Variants in ERLEC1 observed in about 807,000 individuals in gnomAD.
ERLEC1 encodes endoplasmic reticulum lectin 1, also known as ER lectin.
In ERLEC1, 47 loss-of-function variants were observed where a neutral mutation model predicts 68.0. The observed-to-expected ratio is 0.69, with a 90% CI of 0.55 to 0.88. ERLEC1 has a LOEUF of 0.88. ERLEC1 is among the 40% of genes least tolerant of loss of function. The probability of loss-of-function intolerance (pLI) is 0.00; values close to 1 mark genes in which losing one functional copy is unlikely to be tolerated. For missense variants in ERLEC1, 567 were observed against 583.8 expected, an observed-to-expected ratio of 0.97 and a Z score of 0.30; for synonymous variants, 225 against 203.2, an observed-to-expected ratio of 1.11 and a Z score of -0.91.
intron 13 of ERLEC1, 101 bp from the exon 14 acceptor site, chr2:53,817,797 C>T (rs985865665): frequency 2.9e-6 from 2 of 698,248 alleles, no homozygotes; most frequent in East Asian, 2.5e-5. Flanking sequence ...AACAAGGACT[C>T]ATGCTTCTAG....
At chr2:53,795,634 A>G (rs2104288440) in intron 2 of ERLEC1, among the ~76,000 whole-genome samples, 1 of 152,348 alleles carries the variant, frequency 6.6e-6, no homozygotes, top group Admixed American at 6.5e-5. Context: ...TGTTCAGGAA[A>G]CTGATACTTA....
At position 53,814,906 on chromosome 2, in the gene ERLEC1, G is replaced by C; in HGVS notation, c.1351G>C (p.Glu451Gln). ...SPHAVTVYML[E>Q]PHSCQYILGV... ...TCATGCTGTTACTGTATATATGCTA[G>C]AGCCTCACTCCTGTCAATATATTCT... is the stretch of plus-strand genomic sequence containing the variant. The change falls in exon 13 of 14, where the codon GAG becomes CAG. Residue 451 changes from glutamate (E) to glutamine (Q), a missense_variant. Physicochemically the swap from Glu to Gln is conservative, Grantham distance 29. Transcript: ENST00000185150. The C allele has an allele frequency of 6.2e-7, 1 of 1,604,312 alleles. No homozygotes were observed. The highest frequency in any genetic ancestry group is 8.5e-7 in the Non-Finnish European group (1 of 1,174,128).
chr2:53,787,225 C>G lies in ERLEC1; in HGVS notation c.15C>G (p.Gly5=). The G allele has an allele frequency of 1.9e-6, 3 of 1,602,446 alleles. No homozygotes were observed. The highest frequency in any genetic ancestry group is 2.5e-6 in the Non-Finnish European group (3 of 1,177,924). Residue 5 remains glycine, a synonymous_variant, in exon 1 of 14, where the codon GGC becomes GGG. Transcript: ENST00000185150. MEEG[G]GGVRSLVPGG... ...GGCGGCGGAGGATGGAGGAAGGAGG[C>G]GGCGGCGTACGGAGTCTGGTCCCGG...
rs1449552579 is a variant in ERLEC1, at chr2:53,787,361, G to T, written c.151G>T (p.Glu51Ter). 2 of 1,610,870 alleles carry T rather than the reference G, an allele frequency of 1.2e-6. No homozygotes were observed. Among genetic ancestry groups the T allele is most frequent in the Non-Finnish European group, 1.7e-6 (2 of 1,179,380 alleles). The stretch of plus-strand genomic sequence containing the variant: ...TTTCCGAGTCAACTGGCCCGGCACC[G>T]AGTTCTCTCTGGTCAGTGCCCTCAC... The part of the protein sequence containing the change: ...IPFRVNWPGT[E>*]FSLPTTGVLY... Residue 51 changes from glutamate (E) to a stop codon, truncating the protein, a stop_gained, in exon 1 of 14, where the codon GAG becomes TAG. Transcript: ENST00000185150. LOFTEE classifies it high-confidence loss of function.
chr2:53,810,510 G>A (rs2104330415), intron 10 of ERLEC1, among the ~76,000 whole-genome samples: 1 of 152,232 alleles, frequency 6.6e-6, no homozygotes, highest in Non-Finnish European at 1.5e-5. Flanking sequence ...AGTAAAGTAA[G>A]CTGCTAGGTA....
chr2:53,794,027 C>T (rs1675554088), intron 1 of ERLEC1, among the ~76,000 whole-genome samples: 1 of 151,944 alleles, frequency 6.6e-6, no homozygotes, highest in Admixed American at 6.6e-5. Flanking sequence ...ACTGGAGATT[C>T]CAAAAGACAG....
rs12620190 is a variant in ERLEC1 at position 53,809,882 on chromosome 2, C to G, written c.1101+609C>G. On this transcript the variant is annotated intron_variant, in intron 10 of 13. Transcript: ENST00000185150. ...ACCAGCCTGGCCAACATGGTGAAAA[C>G]CCGTCTCTACTACTAAAAATACAAA... 1.5e-3 allele frequency among the ~76,000 whole-genome samples: 228 copies of G among 152,044 alleles called. 5 individuals are homozygous for G. The East Asian group carries it at 0.043, about 28-fold the overall frequency.
rs187304764 is a variant in ERLEC1, at chr2:53,798,023, C to T, written c.490+228C>T. ...CATCCTGGCTAACACGGTGAAACCC[C>T]GTCTCTATTAAAAATACAAAAATTA... On this transcript the variant is annotated intron_variant, in intron 5 of 13. Coordinates refer to ENST00000185150, the MANE Select transcript of ERLEC1 (RefSeq NM_015701.5). Among the ~76,000 whole-genome samples, 1,125 of 152,090 alleles carry T rather than the reference C, an allele frequency of 7.4e-3. 19 individuals are homozygous for T. Among genetic ancestry groups the T allele is most frequent in the African/African-American group, 0.026 (1,074 of 41,510 alleles).
At position 53,787,087 on chromosome 2, in the gene ERLEC1, G is replaced by A; in HGVS notation, c.-124G>A. 7.6e-7 allele frequency: 1 copy of A among 1,311,786 alleles called. No individual in the cohort carries two copies. The highest frequency in any genetic ancestry group is 1.0e-6 in the Non-Finnish European group (1 of 1,000,302). 81.3% of individuals were successfully genotyped at this position (1,311,786 alleles called of 1,614,324 possible). On this transcript the variant is annotated 5_prime_UTR_variant, in exon 1 of 14. Coordinates refer to ENST00000185150, the MANE Select transcript of ERLEC1 (RefSeq NM_015701.5). ...CTCTCCGGAAGGAGACGTGGCGGCG[G>A]TTGGGCCGGTGATACCCGGGCGCTT...
At position 53,794,400 on chromosome 2, in the gene ERLEC1, A is replaced by G. The variant is rs754337129; in HGVS notation, c.218A>G (p.His73Arg). The G allele has an allele frequency of 2.5e-6, 4 of 1,590,792 alleles. No individual in the cohort carries two copies. In the Admixed American group the frequency reaches 5.3e-5, roughly 21 times the overall value. Reference protein sequence around the residue: ...EDNYVIMTTAHKEKYKCILPL... With the variant: ...EDNYVIMTTARKEKYKCILPL... ...AATTATGTCATCATGACAACTGCACATAAAGAAAAATATAAATGCATACTT... is the reference window on the plus strand; with the variant it reads ...AATTATGTCATCATGACAACTGCACGTAAAGAAAAATATAAATGCATACTT... The change falls in exon 2 of 14, where the codon CAT becomes CGT. Residue 73 changes from histidine to arginine, a missense_variant. His to Arg is a conservative substitution (Grantham distance 29, BLOSUM62 0). Transcript: ENST00000185150.
intron 1 of ERLEC1, among the ~76,000 whole-genome samples, chr2:53,788,263 T>C (rs1675184959): frequency 1.3e-5 from 2 of 152,210 alleles, no homozygotes; most frequent in South Asian, 4.1e-4. Flanking sequence ...TATTCTTTCA[T>C]TACCATTTCA....
At chr2:53,795,821 TTC>T in intron 2 of ERLEC1, 110 bp from the exon 3 acceptor site, 1 of 686,296 alleles carries the variant, frequency 1.5e-6, no homozygotes, top group South Asian at 1.9e-5. Flanking sequence ...TGACTTTTTT[TTC>T]TCTTTTATTT....
intron 8 of ERLEC1, among the ~76,000 whole-genome samples, chr2:53,802,143 C>A (rs1291708471): frequency 6.6e-6 from 1 of 152,046 alleles, no homozygotes; most frequent in African/African-American, 2.4e-5. Flanking sequence ...TAGACTAAAA[C>A]CCTATCTCTG....
intron 9 of ERLEC1, 66 bp from the exon 10 acceptor site, chr2:53,809,148 G>C (rs1558604002): frequency 9.3e-7 from 1 of 1,080,436 alleles, no homozygotes; most frequent in Non-Finnish European, 1.4e-6. Flanking sequence ...TTCCATTACT[G>C]TCATGTGGCA....
chr2:53,812,799 A>T, intron 10 of ERLEC1, 150 bp from the exon 11 acceptor site: 1 of 723,634 alleles, frequency 1.4e-6, no homozygotes, highest in Non-Finnish European at 2.2e-6. Flanking sequence ...TTAAATTTCC[A>T]CTCATTGAAT....
chr2:53,798,894 A>C (rs1675858948), intron 5 of ERLEC1, among the ~76,000 whole-genome samples, 153 bp from the exon 6 acceptor site: 1 of 152,090 alleles, frequency 6.6e-6, no homozygotes, highest in African/African-American at 2.4e-5. Context: ...AACCATTTCA[A>C]GGAAACTAGC....
intron 6 of ERLEC1, among the ~76,000 whole-genome samples, chr2:53,800,532 A>T (rs909938204): frequency 6.6e-6 from 1 of 152,122 alleles, no homozygotes; most frequent in Non-Finnish European, 1.5e-5. Context: ...AGGAAATCTC[A>T]AAACATTTTT....
chr2:53,787,426 G>A, intron 1 of ERLEC1, 54 bp downstream of exon 1: 2 of 1,538,848 alleles, frequency 1.3e-6, no homozygotes, highest in East Asian at 4.6e-5. Context: ...CTAAGGGTTC[G>A]GCCTCTTCCC....
rs1476419112 is a variant in ERLEC1 at position 53,801,430 on chromosome 2, C to A, written c.559C>A (p.Pro187Thr). Reference protein sequence around the residue: ...PTKNIEGQMTPYYPVGMGNGT... With the variant: ...PTKNIEGQMTTYYPVGMGNGT... ...TAAAAATATCGAAGGTCAGATGACACCATACTATCCTGTGGGAATGGGAAA... is the reference window on the plus strand; with the variant it reads ...TAAAAATATCGAAGGTCAGATGACAACATACTATCCTGTGGGAATGGGAAA... Residue 187 changes from proline (P) to threonine (T), a missense_variant, in exon 7 of 14, where the codon CCA (proline) becomes ACA (threonine). Pro to Thr is a conservative substitution (Grantham distance 38). Coordinates refer to ENST00000185150, the MANE Select transcript of ERLEC1 (RefSeq NM_015701.5). 6.2e-7 allele frequency: 1 copy of A among 1,613,724 alleles called. No individual in the cohort carries two copies. The highest frequency in any genetic ancestry group is 1.3e-5 in the African/African-American group (1 of 74,866).
Sources: allele counts gnomAD v4.1 joint callset (sites outside exome capture counted in the v4.1 genomes callset), GRCh38; gene constraint gnomAD v4.1.1; transcripts MANE v1.5; gene names NCBI Gene and HGNC (gene_info 2026-07-23, HGNC 2026-07-21).